PDE10A: variants seen among roughly 807,000 people sequenced by gnomAD.
PDE10A encodes cAMP and cAMP-inhibited cGMP 3',5'-cyclic phosphodiesterase 10A.
A neutral mutation model predicts 97.7 loss-of-function variants in PDE10A; 39 were observed. The observed-to-expected ratio is 0.40, with a 90% CI of 0.31 to 0.52. The LOEUF is 0.52. PDE10A is among the 20% of genes least tolerant of loss of function. PDE10A has a pLI of 0.56. For synonymous variants in PDE10A, 371 were observed against 376.8 expected (o/e 0.98, Z 0.18); for missense variants, 731 against 1,047.8 (o/e 0.70, Z 4.17).
At chr6:165,717,583 C>CAA (rs34254822) in intron 1 of PDE10A, among the ~76,000 whole-genome samples, 78,459 of 146,294 alleles carry the variant, frequency 0.54, 20,824 homozygotes, top group Non-Finnish European at 0.58. Context: ...GACTCCGTCT[C>CAA]AAAAAAAAAA....
At position 165,327,931 on chromosome 6, in the gene PDE10A, C is replaced by A. The variant is rs1278965754; in HGVS notation, c.*5094G>T. 1 of 152,202 alleles carries A rather than the reference C, an allele frequency of 6.6e-6. No homozygotes were observed. Among genetic ancestry groups the A allele is most frequent in the African/African-American group, 2.4e-5 (1 of 41,444 alleles). 9.4% of individuals were successfully genotyped at this position (152,202 alleles called of 1,614,324 possible). On this transcript the variant is annotated 3_prime_UTR_variant, in exon 22 of 22. Transcript: ENST00000539869. ...TCAGCAAGATTATCAACAGCAAACT[C>A]TTAGATGCCTTAGCTACGTTATGGA...
intron 3 of PDE10A, among the ~76,000 whole-genome samples, chr6:165,475,559 G>C (rs73035762): frequency 6.6e-6 from 1 of 152,098 alleles, no homozygotes; most frequent in Non-Finnish European, 1.5e-5. Flanking sequence ...TAATGAAAAC[G>C]TCTCCTTCCC....
chr6:165,654,466 T>C (rs1789837927), intron 1 of PDE10A, among the ~76,000 whole-genome samples: 1 of 151,556 alleles, frequency 6.6e-6, no homozygotes, highest in Non-Finnish European at 1.5e-5. Context: ...GTGAATTCCA[T>C]CTCCACAGCA....
At chr6:165,351,162 G>C (rs1192885894) in intron 18 of PDE10A, among the ~76,000 whole-genome samples, 1 of 354 alleles carries the variant, frequency 2.8e-3, no homozygotes, top group African/African-American at 0.012. Flanking sequence ...ACATGACAAT[G>C]ACTTTATACA....
intron 13 of PDE10A, among the ~76,000 whole-genome samples, chr6:165,400,393 T>A (rs1309125476): frequency 1.3e-5 from 2 of 151,988 alleles, no homozygotes; most frequent in East Asian, 3.8e-4. Flanking sequence ...ATTAAGAGAA[T>A]GAAAAGACAA....
chr6:165,899,872 G>A lies in PDE10A; in HGVS notation c.-615+87657C>T, dbSNP rs889659401. Among the ~76,000 whole-genome samples, 6 of 152,236 alleles carry A rather than the reference G, an allele frequency of 3.9e-5. 1 individual carries two copies. The highest frequency in any genetic ancestry group is 2.1e-4 in the South Asian group (1 of 4,828). On this transcript the variant is annotated intron_variant, in intron 1 of 19. Transcript: ENST00000366882. Reference sequence around the variant, plus strand: ...AAAAATAGCATCTCCCTCTGCTTACGGAGTTGGGTTGCTCAGCAACCTGTT... The same window carrying A: ...AAAAATAGCATCTCCCTCTGCTTACAGAGTTGGGTTGCTCAGCAACCTGTT...
intron 1 of PDE10A, among the ~76,000 whole-genome samples, chr6:165,582,198 G>C (rs1785651045): frequency 6.6e-6 from 1 of 152,114 alleles, no homozygotes. Context: ...CTATACAGAA[G>C]TACAGTGCTA....
intron 3 of PDE10A, among the ~76,000 whole-genome samples, chr6:165,475,303 A>G (rs1258943386): frequency 6.6e-6 from 1 of 152,222 alleles, no homozygotes; most frequent in African/African-American, 2.4e-5. Context: ...TCTTAAATGC[A>G]TTAACAGAAA....
chr6:165,899,315 AG>A (rs1290592573), intron 1 of PDE10A, among the ~76,000 whole-genome samples: 1 of 152,210 alleles, frequency 6.6e-6, no homozygotes, highest in Non-Finnish European at 1.5e-5. Context: ...AAAACTGTTG[AG>A]ATCATGGTAC....
At chr6:165,432,357 G>A (rs751016606) in intron 7 of PDE10A, among the ~76,000 whole-genome samples, 5 of 152,124 alleles carry the variant, frequency 3.3e-5, no homozygotes, top group Non-Finnish European at 7.4e-5. Context: ...TAAGTGGAGA[G>A]AAGAAAAAAT....
intron 2 of PDE10A, among the ~76,000 whole-genome samples, chr6:165,490,155 C>T (rs1780146453): frequency 6.6e-6 from 1 of 152,182 alleles, no homozygotes; most frequent in African/African-American, 2.4e-5. Context: ...GGATTATCTA[C>T]AGTCAAGATG....
At chr6:165,880,823 AC>A (rs1369404914) in intron 1 of PDE10A, among the ~76,000 whole-genome samples, 1 of 152,020 alleles carries the variant, frequency 6.6e-6, no homozygotes, top group Non-Finnish European at 1.5e-5. Context: ...GATTTATCAA[AC>A]CTTCTGGGCT....
chr6:165,682,933 A>G (rs1031886366), intron 1 of PDE10A, among the ~76,000 whole-genome samples: 6 of 152,162 alleles, frequency 3.9e-5, no homozygotes, highest in African/African-American at 1.4e-4. Flanking sequence ...ACAGACACCT[A>G]AACTTCTCTC....
At chr6:165,789,642 C>G (rs1778593498) in intron 1 of PDE10A, among the ~76,000 whole-genome samples, 1 of 152,170 alleles carries the variant, frequency 6.6e-6, no homozygotes, top group South Asian at 2.1e-4. Flanking sequence ...CCAGCAACAT[C>G]CAGAAGAATG....
At chr6:165,556,412 G>T (rs767654024) in intron 1 of PDE10A, among the ~76,000 whole-genome samples, 1 of 152,242 alleles carries the variant, frequency 6.6e-6, no homozygotes, top group Non-Finnish European at 1.5e-5. Context: ...CTGCCTTGAA[G>T]ACAGCTGTGA....
chr6:165,952,747 C>T (rs1210763744), intron 1 of PDE10A, among the ~76,000 whole-genome samples: 1 of 152,158 alleles, frequency 6.6e-6, no homozygotes. Context: ...CCGCATCCTC[C>T]AGCTATCAGG....
Position 165,806,509 on chromosome 6 carries a change from T to G in PDE10A, c.-615+181020A>C, listed in dbSNP as rs112012979. 3.3e-3 allele frequency among the ~76,000 whole-genome samples: 499 copies of G among 152,326 alleles called. 2 individuals are homozygous for G. Among genetic ancestry groups the G allele is most frequent in the Non-Finnish European group, 5.8e-3 (392 of 68,024 alleles). On this transcript the variant is annotated intron_variant, in intron 1 of 19. Coordinates refer to the PDE10A transcript ENST00000366882. ...GCAGCCTGTGCCCTGTCTCCACAGTTTCTGAGCCTCTGGCTCCTTTTCCCT... is the reference window on the plus strand; with the variant it reads ...GCAGCCTGTGCCCTGTCTCCACAGTGTCTGAGCCTCTGGCTCCTTTTCCCT...
chr6:165,433,603 T>C (rs1789759111), intron 6 of PDE10A, among the ~76,000 whole-genome samples: 1 of 152,194 alleles, frequency 6.6e-6, no homozygotes, highest in Non-Finnish European at 1.5e-5. Context: ...TCATTCTAAC[T>C]GAATCTCAAA....
At chr6:165,558,442 C>T (rs1044087717) in intron 1 of PDE10A, among the ~76,000 whole-genome samples, 4 of 145,516 alleles carry the variant, frequency 2.7e-5, no homozygotes, top group Non-Finnish European at 4.5e-5. Context: ...CATCACACAC[C>T]GGGGCCTGTC....
Sources: allele counts gnomAD v4.1 joint callset (sites outside exome capture counted in the v4.1 genomes callset), GRCh38; gene constraint gnomAD v4.1.1; transcripts MANE v1.5; gene names NCBI Gene and HGNC (gene_info 2026-07-23, HGNC 2026-07-21).